Variants in NPC1 observed in about 807,000 individuals in gnomAD.
NPC1 encodes NPC intracellular cholesterol transporter 1.
In NPC1, 85 loss-of-function variants were observed where a neutral mutation model predicts 140.4. The ratio of observed to expected loss-of-function variants is 0.61; its 90% confidence interval spans 0.51 to 0.72. NPC1 has a LOEUF of 0.72. NPC1 is among the 30% of genes least tolerant of loss of function. NPC1 has a pLI of 0.00. For missense variants in NPC1, 1,504 were observed against 1,623.8 expected, an observed-to-expected ratio of 0.93 and a Z score of 1.27; for synonymous variants, 656 against 624.8, an observed-to-expected ratio of 1.05 and a Z score of -0.74.
intron 3 of NPC1, among the ~76,000 whole-genome samples, chr18:23,570,361 C>T (rs767846182): frequency 1.3e-5 from 2 of 152,194 alleles, no homozygotes; most frequent in East Asian, 1.9e-4. Flanking sequence ...TAATGCCTCA[C>T]CTACGGTGGA....
At position 23,536,757 on chromosome 18, in the gene NPC1, G is replaced by A; in HGVS notation, c.3161C>T (p.Ala1054Val). 6.2e-7 allele frequency: 1 copy of A among 1,614,216 alleles called. No individual in the cohort carries two copies. The highest frequency in any genetic ancestry group is 8.5e-7 in the Non-Finnish European group (1 of 1,180,032). Residue 1054 changes from alanine (A) to valine (V), a missense_variant, in exon 21 of 25, where the codon GCT becomes GTT. By Grantham distance (64) the Ala-to-Val change is moderately conservative. Transcript: ENST00000269228. ...GGCTATAAGTCGGGCTTTCTTCAGA[G>A]CGTCAATAAAGTCAGCAGAGGTCTG... ...VLQTSADFID[A>V]LKKARLIASN... is the part of the protein sequence containing the mutation.
At chr18:23,561,256 C>T (rs2059034120) in intron 5 of NPC1, 104 bp downstream of exon 5, 1 of 1,194,970 alleles carries the variant, frequency 8.4e-7, no homozygotes, top group Admixed American at 1.7e-5. Flanking sequence ...AAGCAATTCT[C>T]TTGCCTCAGT....
chr18:23,571,502 TA>T, intron 3 of NPC1, among the ~76,000 whole-genome samples: 1 of 151,806 alleles, frequency 6.6e-6, no homozygotes, highest in East Asian at 1.9e-4. Flanking sequence ...ACTAAAAATA[TA>T]AAACTTAGCT....
chr18:23,510,350 T>G (rs2057820518), intron 3 of NPC1, among the ~76,000 whole-genome samples: 1 of 149,876 alleles, frequency 6.7e-6, no homozygotes, highest in Admixed American at 6.7e-5. Context: ...CACAACAACA[T>G]TAAAAAGTGG....
At chr18:23,523,752 C>T (rs1411715435) in intron 1 of NPC1, among the ~76,000 whole-genome samples, 1 of 151,992 alleles carries the variant, frequency 6.6e-6, no homozygotes, top group African/African-American at 2.4e-5. Flanking sequence ...AAGCTACAAG[C>T]CACATTTATT....
At chr18:23,507,371 C>T (rs1363559328) in intron 3 of NPC1, among the ~76,000 whole-genome samples, 4 of 152,246 alleles carry the variant, frequency 2.6e-5, no homozygotes, top group East Asian at 1.9e-4. Context: ...GTGATTCTCT[C>T]GCCTCAGTCT....
At chr18:23,566,592 ATACT>A (rs1213044851) in intron 4 of NPC1, among the ~76,000 whole-genome samples, 1 of 150,404 alleles carries the variant, frequency 6.6e-6, no homozygotes, top group Non-Finnish European at 1.5e-5. Context: ...AAAAAATAAA[ATACT>A]TACACACACA....
chr18:23,571,210 A>G (rs1221493269), intron 3 of NPC1, among the ~76,000 whole-genome samples: 2 of 136,360 alleles, frequency 1.5e-5, no homozygotes, highest in Admixed American at 7.8e-5. Context: ...GTGCTTTCTT[A>G]AAACAAAACA....
At chr18:23,526,619 C>T (rs1363504419), downstream of NPC1, 1 of 1,612,394 alleles carries the variant, frequency 6.2e-7, no homozygotes, top group East Asian at 2.2e-5. Context: ...GTTTTATTTG[C>T]TGCCTCTTAA....
rs1555634645 is a variant in NPC1, at chr18:23,544,946, C to CCCCCCT, written c.1947+13_1947+14insAGGGGG. On this transcript the variant is annotated intron_variant, in intron 12 of 24. Coordinates refer to ENST00000269228, the MANE Select transcript of NPC1 (RefSeq NM_000271.5). ...GTTAACCTCTAGAACATACACCACC[C>CCCCCCT]CCCCCCGGCTTACCAGAAGCCTGCG... The CCCCCCT allele has an allele frequency of 2.3e-6, 3 of 1,329,792 alleles. No individual in the cohort carries two copies. Among genetic ancestry groups the CCCCCCT allele is most frequent in the East Asian group, 5.5e-5 (2 of 36,564 alleles). 82.4% of individuals were successfully genotyped at this position (1,329,792 alleles called of 1,614,324 possible).
intron 23 of NPC1, 140 bp from the exon 24 acceptor site, chr18:23,533,657 C>CG: frequency 1.3e-6 from 1 of 796,170 alleles, no homozygotes; most frequent in Non-Finnish European, 2.1e-6. Context: ...AACAGGTGCA[C>CG]GCCACCATGC....
downstream of NPC1, chr18:23,519,126 C>T (rs1477168258): frequency 7.4e-6 from 12 of 1,614,112 alleles, no homozygotes; most frequent in Non-Finnish European, 1.0e-5. Context: ...GAAAGTTTGC[C>T]CTGAACGTGG....
At chr18:23,532,412 G>T in intron 24 of NPC1, 128 bp from the exon 25 acceptor site, 1 of 981,856 alleles carries the variant, frequency 1.0e-6, no homozygotes, top group East Asian at 2.4e-5. Context: ...GACCAGCCTG[G>T]ACAACAGAGT....
chr18:23,528,953 C>A, downstream of NPC1: 1 of 507,548 alleles, frequency 2.0e-6, no homozygotes, highest in Non-Finnish European at 3.3e-6. Flanking sequence ...GATCTTGGCT[C>A]ACCGCAACCT....
chr18:23,526,589 G>A (rs752172457), downstream of NPC1: 1 of 1,593,184 alleles, frequency 6.3e-7, no homozygotes, highest in Non-Finnish European at 8.6e-7. Context: ...TTGGGCTTTT[G>A]TTACGGTTTG....
intron 3 of NPC1, 53 bp from the exon 4 acceptor site, chr18:23,569,051 C>G: frequency 8.0e-7 from 1 of 1,250,922 alleles, no homozygotes; most frequent in Non-Finnish European, 1.2e-6. Flanking sequence ...ATAGGGCCAG[C>G]AAGAACGATT....
chr18:23,540,302 C>A, intron 17 of NPC1, 146 bp downstream of exon 17: 1 of 685,536 alleles, frequency 1.5e-6, no homozygotes, highest in Non-Finnish European at 2.6e-6. Flanking sequence ...CAGTGCACTG[C>A]GACAGTTCTC....
chr18:23,511,157 C>T (rs6507705), intron 3 of NPC1, among the ~76,000 whole-genome samples: 76,078 of 152,082 alleles, frequency 0.5, 19,252 homozygotes, highest in East Asian at 0.61. Flanking sequence ...TAAAAATGAA[C>T]AAGATCATGT....
At chr18:23,525,970 T>A (rs141344730), downstream of NPC1, among the ~76,000 whole-genome samples, 1 of 152,216 alleles carries the variant, frequency 6.6e-6, no homozygotes, top group East Asian at 1.9e-4. Context: ...ATCCACTGTA[T>A]GTATGTAATG....
Sources: allele counts gnomAD v4.1 joint callset (sites outside exome capture counted in the v4.1 genomes callset), GRCh38; gene constraint gnomAD v4.1.1; transcripts MANE v1.5; gene names NCBI Gene and HGNC (gene_info 2026-07-23, HGNC 2026-07-21).